Variants in GABPA observed in about 807,000 individuals in gnomAD.
GABPA encodes the protein GA binding protein transcription factor subunit alpha.
GABPA carries 4 observed loss-of-function variants against 59.4 expected under a neutral mutation model. The observed-to-expected ratio is 0.07, with a 90% CI of 0.03 to 0.15. The LOEUF (loss-of-function observed/expected upper bound fraction) is 0.15. GABPA is among the 10% of genes least tolerant of loss of function. GABPA has a pLI of 1.00. For missense variants in GABPA, 251 were observed against 543.8 expected, an observed-to-expected ratio of 0.46 and a Z score of 5.36; for synonymous variants, 164 against 183.1, an observed-to-expected ratio of 0.90 and a Z score of 0.84.
chr21:25,742,932 C>CAA (rs763611466), intron 2 of GABPA, among the ~76,000 whole-genome samples: 59 of 100,710 alleles, frequency 5.9e-4, no homozygotes, highest in African/African-American at 1.9e-3. Context: ...GGTGCGGTCT[C>CAA]AAAAAAAAAA....
In GABPA at chr21:25,771,038, C is replaced by G. The variant is rs567602961; in HGVS notation, c.*1806C>G. The G allele has an allele frequency of 3.9e-5, 6 of 152,076 alleles. No homozygotes were observed. The highest frequency in any genetic ancestry group is 8.8e-5 in the Non-Finnish European group (6 of 67,876). The allele number at this position is 152,076 out of a possible 1,614,324, so 9.4% of individuals were successfully genotyped here. ...CAATATGAAATAATAAACAGAAGCT[C>G]TAACGTCAGGTAACAAATAGACAGC... On this transcript the variant is annotated 3_prime_UTR_variant, in exon 10 of 10. Transcript: ENST00000400075.
chr21:25,740,061 A>T (rs1324931702), intron 1 of GABPA, among the ~76,000 whole-genome samples: 1 of 152,094 alleles, frequency 6.6e-6, no homozygotes, highest in African/African-American at 2.4e-5. Context: ...TGTTGTACTG[A>T]TATACGCAAT....
At chr21:25,749,942 G>A (rs1366825044) in intron 4 of GABPA, among the ~76,000 whole-genome samples, 2 of 152,174 alleles carry the variant, frequency 1.3e-5, no homozygotes, top group Non-Finnish European at 2.9e-5. Flanking sequence ...ATTGGGGCAG[G>A]GGAATTCAAG....
rs71649663 is a variant in GABPA, at chr21:25,740,435, T to C, written c.-26-1138T>C. Among the ~76,000 whole-genome samples the C allele has an allele frequency of 7.0e-3, 1,074 of 152,346 alleles. 10 individuals carry two copies. The highest frequency in any genetic ancestry group is 0.025 in the African/African-American group (1,020 of 41,582). On this transcript the variant is annotated intron_variant, in intron 1 of 9. Coordinates refer to ENST00000400075, the MANE Select transcript of GABPA (RefSeq NM_002040.4). ...CTTAGAATAACTACTCAGAAGGTGC[T>C]GTGGACTGAAAGTGCGTATGGAATT...
intron 5 of GABPA, among the ~76,000 whole-genome samples, chr21:25,755,621 G>A (rs1012778649): frequency 2.0e-5 from 3 of 151,908 alleles, no homozygotes; most frequent in African/African-American, 7.3e-5. Flanking sequence ...AGGTGGAGAC[G>A]GTCTCACTCT....
intron 6 of GABPA, among the ~76,000 whole-genome samples, chr21:25,760,879 C>T (rs1321086524): frequency 2.0e-5 from 3 of 151,554 alleles, no homozygotes; most frequent in South Asian, 2.1e-4. Flanking sequence ...TTTTTTTCCC[C>T]CTGTGGTCTG....
intron 3 of GABPA, among the ~76,000 whole-genome samples, chr21:25,747,177 A>T (rs946294681): frequency 3.3e-5 from 5 of 152,186 alleles, no homozygotes; most frequent in Non-Finnish European, 5.9e-5. Context: ...AACTCTCTTC[A>T]CTTGTTTGAG....
chr21:25,748,957 C>T (rs2035438448), intron 3 of GABPA, 79 bp from the exon 4 acceptor site: 1 of 821,836 alleles, frequency 1.2e-6, no homozygotes. Context: ...TTGGTACATC[C>T]ATTTATTCTA....
intron 5 of GABPA, among the ~76,000 whole-genome samples, chr21:25,756,765 G>T (rs1397280064): frequency 1.3e-5 from 2 of 152,076 alleles, no homozygotes; most frequent in East Asian, 3.9e-4. Context: ...TTGTCACCTG[G>T]TTTTATGTAA....
chr21:25,743,773 C>T (rs994442763), intron 2 of GABPA, among the ~76,000 whole-genome samples: 1 of 151,928 alleles, frequency 6.6e-6, no homozygotes, highest in South Asian at 2.1e-4. Context: ...AAAAAACTGG[C>T]CTGACACAGT....
intron 5 of GABPA, among the ~76,000 whole-genome samples, chr21:25,756,918 G>A (rs1376662085): frequency 1.3e-5 from 2 of 152,080 alleles, no homozygotes; most frequent in Non-Finnish European, 2.9e-5. Context: ...TATATATTCT[G>A]TGGCTATTAA....
At chr21:25,748,499 T>C (rs534909484) in intron 3 of GABPA, among the ~76,000 whole-genome samples, 2 of 152,334 alleles carry the variant, frequency 1.3e-5, no homozygotes, top group Non-Finnish European at 2.9e-5. Context: ...TGAAATGATA[T>C]AGAATTAGGA....
In GABPA at chr21:25,764,584, T is replaced by C. The variant is rs774038612; in HGVS notation, c.944-11T>C. On this transcript the variant is annotated splice_polypyrimidine_tract_variant and intron_variant, in intron 8 of 9. Transcript: ENST00000400075. ...ACTATAGCTAATGCTTTGTTCCTCT[T>C]ACCAATTTAGGAAACAATGGCCAAA... is the stretch of plus-strand genomic sequence containing the variant. 1.2e-6 allele frequency: 2 copies of C among 1,607,676 alleles called. No individual in the cohort carries two copies. The highest frequency in any genetic ancestry group is 8.5e-7 in the Non-Finnish European group (1 of 1,175,686).
rs1388013047 is a variant in GABPA, at chr21:25,735,204, C to G, written c.-401C>G. ...TGAGTGGCCTTTCCCCTAGTTCAAG[C>G]TCCCCTCCGAGTCAGCGTCCTGTTC... On this transcript the variant is annotated 5_prime_UTR_variant, in exon 1 of 10. Transcript: ENST00000400075. 3 of 594,550 alleles carry G rather than the reference C, an allele frequency of 5.0e-6. No individual in the cohort carries two copies. The highest frequency in any genetic ancestry group is 6.0e-6 in the Non-Finnish European group (2 of 331,206). The allele number at this position is 594,550 out of a possible 1,614,324, so 36.8% of individuals were successfully genotyped here.
rs1309500445 is a variant in GABPA, at chr21:25,769,178, A to C, written c.1311A>C (p.Pro437=). The C allele has an allele frequency of 1.9e-6, 3 of 1,610,008 alleles. No individual in the cohort carries two copies. Among genetic ancestry groups the C allele is most frequent in the Non-Finnish European group, 1.7e-6 (2 of 1,176,494 alleles). ...AKMQLHGIAQ[P]VTAVALATAS... is the part of the protein sequence containing the mutation. ...TGCAGCTCCATGGAATTGCCCAGCCAGTCACAGCAGTAGCTCTGGCTACTG... is the reference window on the plus strand; with the variant it reads ...TGCAGCTCCATGGAATTGCCCAGCCCGTCACAGCAGTAGCTCTGGCTACTG... Residue 437 remains proline (P), a synonymous_variant, in exon 10 of 10, where the codon CCA becomes CCC. Transcript: ENST00000400075.
intron 3 of GABPA, 117 bp from the exon 4 acceptor site, chr21:25,748,919 A>G (rs2035437203): frequency 1.5e-6 from 1 of 675,546 alleles, no homozygotes; most frequent in Non-Finnish European, 2.6e-6. Context: ...TTATAATTTA[A>G]TTAGTATGTT....
At chr21:25,746,033 A>G (rs996464677) in intron 3 of GABPA, among the ~76,000 whole-genome samples, 1 of 151,588 alleles carries the variant, frequency 6.6e-6, no homozygotes, top group Non-Finnish European at 1.5e-5. Flanking sequence ...TTTTTTTGAA[A>G]TGGAGTCTCG....
intron 5 of GABPA, among the ~76,000 whole-genome samples, chr21:25,752,875 G>C (rs1291098390): frequency 6.6e-6 from 1 of 152,162 alleles, no homozygotes; most frequent in Non-Finnish European, 1.5e-5. Context: ...GTTGTGACTG[G>C]ATGATAATGT....
chr21:25,743,729 A>G (rs2035285656), intron 2 of GABPA, among the ~76,000 whole-genome samples: 2 of 152,050 alleles, frequency 1.3e-5, no homozygotes, highest in African/African-American at 2.4e-5. Flanking sequence ...TAAAAGTGAC[A>G]TTTGAATCTT....
Sources: gnomAD v4.1 joint callset for allele counts (sites outside exome capture counted in the v4.1 genomes callset) on GRCh38, gnomAD v4.1.1 for gene constraint, MANE v1.5 for transcripts, NCBI Gene and HGNC (gene_info 2026-07-23, HGNC 2026-07-21) for gene names.